Variants in GPC5 observed in about 807,000 individuals in gnomAD.
GPC5 encodes glypican-5.
GPC5 carries 47 observed loss-of-function variants against 53.9 expected under a neutral mutation model. That is an observed-to-expected ratio of 0.87 (90% CI 0.69 to 1.11). GPC5 has a LOEUF of 1.11. GPC5 is among the 50% of genes most tolerant of loss of function. The pLI is 0.00. For synonymous variants in GPC5, 286 were observed against 263.3 expected, an observed-to-expected ratio of 1.09 and a Z score of -0.84; for missense variants, 748 against 713.1, an observed-to-expected ratio of 1.05 and a Z score of -0.56.
intron 7 of GPC5, among the ~76,000 whole-genome samples, chr13:92,423,002 G>C (rs772908238): frequency 1.3e-5 from 2 of 152,132 alleles, no homozygotes; most frequent in Non-Finnish European, 2.9e-5. Flanking sequence ...TTTATTTCTC[G>C]CAGTTCTGAA....
intron 7 of GPC5, among the ~76,000 whole-genome samples, chr13:92,538,083 G>C (rs1329912383): frequency 6.6e-6 from 1 of 152,096 alleles, no homozygotes; most frequent in African/African-American, 2.4e-5. Flanking sequence ...TACAACTAAA[G>C]TGTTTTGACT....
intron 6 of GPC5, among the ~76,000 whole-genome samples, chr13:92,022,428 C>T (rs895168383): frequency 6.6e-6 from 1 of 152,006 alleles, no homozygotes; most frequent in Non-Finnish European, 1.5e-5. Flanking sequence ...AGGGTGAAGC[C>T]TAAACAGGTG....
chr13:92,834,657 T>C (rs1487989996), intron 7 of GPC5, among the ~76,000 whole-genome samples: 2 of 152,144 alleles, frequency 1.3e-5, no homozygotes, highest in African/African-American at 4.8e-5. Flanking sequence ...ATGTCTGTTC[T>C]CCCACATGCA....
chr13:91,572,391 G>C (rs1450586122), intron 2 of GPC5, among the ~76,000 whole-genome samples: 1 of 151,856 alleles, frequency 6.6e-6, no homozygotes, highest in Non-Finnish European at 1.5e-5. Context: ...TCTGAGACAG[G>C]GTGATCTATA....
intron 6 of GPC5, among the ~76,000 whole-genome samples, chr13:92,092,943 G>A (rs2041392307): frequency 6.6e-6 from 1 of 152,112 alleles, no homozygotes; most frequent in Non-Finnish European, 1.5e-5. Context: ...GGCAAAATTA[G>A]CCAATATCCC....
In GPC5 at chr13:92,315,595, G is replaced by C. The variant is rs560169640; in HGVS notation, c.1561+170606G>C. Among the ~76,000 whole-genome samples, 5 of 152,224 alleles carry C rather than the reference G, an allele frequency of 3.3e-5. No homozygotes were observed. The South Asian group carries it at 1.0e-3, about 32-fold the overall frequency. On this transcript the variant is annotated intron_variant, in intron 7 of 7. Transcript: ENST00000377067. The stretch of plus-strand genomic sequence containing the variant: ...CTCTGTACTACAAGTGTCTAGTTTA[G>C]TGAAATATGAAAACTTAAGGATGAA...
chr13:92,636,773 G>A (rs1885417886), intron 7 of GPC5, among the ~76,000 whole-genome samples: 1 of 152,134 alleles, frequency 6.6e-6, no homozygotes, highest in African/African-American at 2.4e-5. Context: ...GGTACTTAGT[G>A]AAAATTGAAT....
At chr13:92,392,649 A>G (rs1875060197) in intron 7 of GPC5, among the ~76,000 whole-genome samples, 1 of 152,208 alleles carries the variant, frequency 6.6e-6, no homozygotes. Context: ...TTTGCAAACT[A>G]TGCATCTGAC....
At chr13:92,011,144 G>T (rs1049007862) in intron 6 of GPC5, among the ~76,000 whole-genome samples, 1 of 152,156 alleles carries the variant, frequency 6.6e-6, no homozygotes, top group African/African-American at 2.4e-5. Context: ...TTTAAGCAAA[G>T]ATTTTTCATT....
intron 7 of GPC5, among the ~76,000 whole-genome samples, chr13:92,425,713 G>A (rs1315881462): frequency 1.3e-5 from 2 of 151,964 alleles, no homozygotes; most frequent in East Asian, 3.9e-4. Context: ...ATCAACTTTA[G>A]ACAGTGCCTC....
intron 7 of GPC5, among the ~76,000 whole-genome samples, chr13:92,669,005 A>C (rs1367080555): frequency 6.6e-6 from 1 of 152,090 alleles, no homozygotes; most frequent in Non-Finnish European, 1.5e-5. Context: ...TTCCCATGTA[A>C]GTTTGTCTTC....
At chr13:92,747,591 T>G (rs1207758392) in intron 7 of GPC5, among the ~76,000 whole-genome samples, 2 of 152,168 alleles carry the variant, frequency 1.3e-5, no homozygotes, top group Admixed American at 1.3e-4. Flanking sequence ...GATCATATAT[T>G]AAAATGACAA....
At chr13:92,140,893 C>A (rs1039133858) in intron 6 of GPC5, among the ~76,000 whole-genome samples, 1 of 152,092 alleles carries the variant, frequency 6.6e-6, no homozygotes, top group Non-Finnish European at 1.5e-5. Flanking sequence ...AAAACAAGGG[C>A]TACAGATAAG....
At chr13:91,754,531 A>G (rs2037247872) in intron 4 of GPC5, among the ~76,000 whole-genome samples, 1 of 152,088 alleles carries the variant, frequency 6.6e-6, no homozygotes, top group Admixed American at 6.6e-5. Context: ...CATCAATTTA[A>G]AAGTCTCAAC....
intron 2 of GPC5, among the ~76,000 whole-genome samples, chr13:91,530,980 A>C (rs1194167644): frequency 1.3e-5 from 2 of 152,174 alleles, no homozygotes; most frequent in African/African-American, 4.8e-5. Context: ...GGTTTGGTAG[A>C]TTCTACTTAT....
At chr13:91,870,061 G>C (rs1352674059) in intron 5 of GPC5, among the ~76,000 whole-genome samples, 1 of 152,174 alleles carries the variant, frequency 6.6e-6, no homozygotes, top group African/African-American at 2.4e-5. Context: ...TTGTGAGAAT[G>C]ATTTCTCACT....
intron 6 of GPC5, among the ~76,000 whole-genome samples, chr13:91,993,942 A>G (rs1005058312): frequency 6.6e-6 from 1 of 152,244 alleles, no homozygotes; most frequent in African/African-American, 2.4e-5. Context: ...ATGTGCAGAG[A>G]AAGTAAGCCA....
At chr13:92,637,895 G>T (rs1329294530) in intron 7 of GPC5, among the ~76,000 whole-genome samples, 1 of 152,164 alleles carries the variant, frequency 6.6e-6, no homozygotes, top group Non-Finnish European at 1.5e-5. Flanking sequence ...GAGAAACATG[G>T]AAGAGAGAGC....
chr13:92,022,628 A>T (rs1001795061), intron 6 of GPC5, among the ~76,000 whole-genome samples: 5 of 152,124 alleles, frequency 3.3e-5, no homozygotes, highest in African/African-American at 1.2e-4. Flanking sequence ...TAGGACCTGT[A>T]GTTACTTTTA....
Sources: allele counts gnomAD v4.1 joint callset (sites outside exome capture counted in the v4.1 genomes callset), GRCh38; gene constraint gnomAD v4.1.1; transcripts MANE v1.5; gene names NCBI Gene and HGNC (gene_info 2026-07-23, HGNC 2026-07-21).